RGS5: variants seen among roughly 807,000 people sequenced by gnomAD.
RGS5 encodes regulator of G-protein signalling 5.
A neutral mutation model predicts 18.9 loss-of-function variants in RGS5; 20 were observed. That is an observed-to-expected ratio of 1.06 (90% CI 0.74 to 1.54). RGS5 has a LOEUF of 1.54. Among genes scored for constraint, RGS5 ranks in the 40% most tolerant of loss-of-function variants. The pLI, the probability that RGS5 is intolerant of heterozygous loss-of-function variation, is 0.00. For synonymous variants in RGS5, 57 were observed against 76.2 expected (o/e 0.75, Z 1.31); for missense variants, 201 against 211.8 (o/e 0.95, Z 0.32).
intron 2 of RGS5, among the ~76,000 whole-genome samples, chr1:163,265,674 T>C (rs892878253): frequency 4.6e-5 from 7 of 152,186 alleles, no homozygotes; most frequent in Non-Finnish European, 8.8e-5. Flanking sequence ...CAGGGTTCTG[T>C]TCCCATTATC....
intron 2 of RGS5, among the ~76,000 whole-genome samples, chr1:163,267,596 G>A (rs1459544929): frequency 2.0e-5 from 3 of 152,108 alleles, no homozygotes; most frequent in Non-Finnish European, 4.4e-5. Flanking sequence ...CTACAGTTGA[G>A]CAGCTCACAA....
At chr1:163,256,764 T>C (rs1354785699) in intron 2 of RGS5, among the ~76,000 whole-genome samples, 1 of 152,094 alleles carries the variant, frequency 6.6e-6, no homozygotes, top group East Asian at 1.9e-4. Context: ...TATCCTGGTG[T>C]TGGAGGAGAG....
At chr1:163,294,788 C>A (rs990708970) in intron 2 of RGS5, among the ~76,000 whole-genome samples, 12 of 152,138 alleles carry the variant, frequency 7.9e-5, no homozygotes, top group Non-Finnish European at 1.5e-4. Flanking sequence ...TCTTTGTGAG[C>A]ACATGTAACT....
intron 2 of RGS5, among the ~76,000 whole-genome samples, chr1:163,223,213 C>T (rs1358354012): frequency 1.3e-5 from 2 of 152,276 alleles, no homozygotes; most frequent in African/African-American, 4.8e-5. Context: ...CTGATTACCA[C>T]TGTGTCCCTG....
chr1:163,184,766 C>T (rs1011102851), intron 1 of RGS5, among the ~76,000 whole-genome samples: 1 of 152,062 alleles, frequency 6.6e-6, no homozygotes, highest in Non-Finnish European at 1.5e-5. Flanking sequence ...ATGCAGGTGG[C>T]CTCTAGATGT....
intron 1 of RGS5, among the ~76,000 whole-genome samples, chr1:163,186,336 T>C (rs1659074236): frequency 6.6e-6 from 1 of 151,878 alleles, no homozygotes; most frequent in Admixed American, 6.6e-5. Context: ...CCCAAAGTGC[T>C]GGTATTACAG....
chr1:163,277,953 C>G (rs1648898163), intron 2 of RGS5, among the ~76,000 whole-genome samples: 1 of 151,776 alleles, frequency 6.6e-6, no homozygotes, highest in African/African-American at 2.4e-5. Flanking sequence ...GAAGAGAGAT[C>G]TTTTGAAATA....
At chr1:163,223,229 C>G (rs1647268229) in intron 2 of RGS5, among the ~76,000 whole-genome samples, 1 of 152,118 alleles carries the variant, frequency 6.6e-6, no homozygotes, top group Admixed American at 6.6e-5. Context: ...CCCTGTTGCC[C>G]ATTACAATAA....
chr1:163,306,012 A>G (rs1176449112), intron 2 of RGS5, among the ~76,000 whole-genome samples: 3 of 152,098 alleles, frequency 2.0e-5, no homozygotes, highest in Non-Finnish European at 4.4e-5. Flanking sequence ...AATCTTTTTT[A>G]TGACTATACA....
chr1:163,190,411 A>C (rs1187205629), intron 1 of RGS5, among the ~76,000 whole-genome samples: 1 of 152,210 alleles, frequency 6.6e-6, no homozygotes, highest in Non-Finnish European at 1.5e-5. Context: ...TGGTGATATC[A>C]GAGAAACACT....
chr1:163,201,065 T>C (rs1386286279), intron 1 of RGS5, among the ~76,000 whole-genome samples: 2 of 152,190 alleles, frequency 1.3e-5, no homozygotes, highest in South Asian at 2.1e-4. Flanking sequence ...CAATGTGTCA[T>C]AGAATCACAA....
At chr1:163,180,996 CT>C (rs1383005941) in intron 1 of RGS5, among the ~76,000 whole-genome samples, 2 of 152,030 alleles carry the variant, frequency 1.3e-5, no homozygotes, top group Non-Finnish European at 2.9e-5. Flanking sequence ...GCCCGCCCCC[CT>C]GTTCTTATCC....
intron 1 of RGS5, among the ~76,000 whole-genome samples, chr1:163,172,874 T>C (rs913585173): frequency 5.3e-5 from 8 of 152,196 alleles, no homozygotes; most frequent in African/African-American, 1.9e-4. Flanking sequence ...GACTAAATAA[T>C]GTTAGATTTG....
intron 2 of RGS5, among the ~76,000 whole-genome samples, chr1:163,235,669 G>GCT (rs1647604118): frequency 6.6e-6 from 1 of 152,170 alleles, no homozygotes; most frequent in Non-Finnish European, 1.5e-5. Context: ...CAGCTGAGTA[G>GCT]CTCTCTCAGC....
chr1:163,232,726 C>T (rs1362917313), intron 2 of RGS5, among the ~76,000 whole-genome samples: 1 of 152,160 alleles, frequency 6.6e-6, no homozygotes, highest in Non-Finnish European at 1.5e-5. Context: ...TGGAGGCAGA[C>T]ATGCCTGTGG....
intron 2 of RGS5, among the ~76,000 whole-genome samples, chr1:163,279,334 A>G (rs1022403165): frequency 6.6e-6 from 1 of 152,098 alleles, no homozygotes; most frequent in African/African-American, 2.4e-5. Context: ...TTGGATCACA[A>G]TGGAATAAAA....
chr1:163,168,969 G>A (rs958106931), intron 1 of RGS5, among the ~76,000 whole-genome samples: 5 of 151,562 alleles, frequency 3.3e-5, no homozygotes, highest in South Asian at 2.1e-4. Context: ...CCATCAACTC[G>A]TCATTTAGCA....
intron 1 of RGS5, among the ~76,000 whole-genome samples, chr1:163,183,886 G>A (rs1418375333): frequency 6.6e-6 from 1 of 152,084 alleles, no homozygotes; most frequent in African/African-American, 2.4e-5. Context: ...TCCTTCCAAT[G>A]TTTAATATGG....
intron 1 of RGS5, among the ~76,000 whole-genome samples, chr1:163,168,748 G>A (rs1408489322): frequency 6.6e-6 from 1 of 152,264 alleles, no homozygotes; most frequent in East Asian, 1.9e-4. Context: ...GTGAGCCCAA[G>A]CTGTCTGATG....
Sources: allele counts gnomAD v4.1 joint callset (sites outside exome capture counted in the v4.1 genomes callset), GRCh38; gene constraint gnomAD v4.1.1; transcripts MANE v1.5; gene names NCBI Gene and HGNC (gene_info 2026-07-23, HGNC 2026-07-21).